NUP214: variants seen among roughly 807,000 people sequenced by gnomAD.
NUP214 encodes nuclear pore complex protein Nup214.
Under a neutral mutation model 196.2 loss-of-function variants are expected in NUP214, and 79 were observed. The ratio of observed to expected loss-of-function variants is 0.40; its 90% CI spans 0.34 to 0.49. The LOEUF (loss-of-function observed/expected upper bound fraction) is 0.49. Among genes scored for constraint, NUP214 ranks in the 20% least tolerant of loss-of-function variants. The pLI is 0.58. For synonymous variants in NUP214, 1,020 were observed against 990.5 expected, an observed-to-expected ratio of 1.03 and a Z score of -0.56; for missense variants, 2,468 against 2,539.0, an observed-to-expected ratio of 0.97 and a Z score of 0.60.
At chr9:131,141,158 T>G (rs1337270545) in intron 11 of NUP214, among the ~76,000 whole-genome samples, 1 of 150,704 alleles carries the variant, frequency 6.6e-6, no homozygotes, top group Non-Finnish European at 1.5e-5. Context: ...AAAACCACTA[T>G]TCTTTGTGAT....
intron 27 of NUP214, chr9:131,194,153 G>A (rs1230772302): frequency 6.7e-6 from 1 of 149,084 alleles, no homozygotes; most frequent in African/African-American, 2.5e-5. Context: ...TTTGAAATCT[G>A]CAATTTGAAC....
chr9:131,229,748 G>T (rs568303271), intron 33 of NUP214: 2 of 518,830 alleles, frequency 3.9e-6, no homozygotes, highest in Non-Finnish European at 7.7e-6. Context: ...GGAGCAGGCC[G>T]CTCCTGGGAG....
intron 27 of NUP214, among the ~76,000 whole-genome samples, chr9:131,193,644 T>TTTTTTTTTTTTTTTTTTG (rs1833685131): frequency 9.5e-6 from 1 of 105,280 alleles, no homozygotes; most frequent in Admixed American, 1.0e-4. Flanking sequence ...TTTTTTTTTT[T>TTTTTTTTTTTTTTTTTTG]TTTTTTTTTT....
intron 4 of NUP214, among the ~76,000 whole-genome samples, chr9:131,130,334 G>T (rs1831510375): frequency 6.7e-6 from 1 of 150,184 alleles, no homozygotes; most frequent in Non-Finnish European, 1.5e-5. Flanking sequence ...TAGTAGAGAC[G>T]GGGTTTCACC....
chr9:131,230,688 A>G lies in NUP214; in HGVS notation c.6133A>G (p.Thr2045Ala). The G allele has an allele frequency of 1.9e-6, 3 of 1,614,046 alleles. No homozygotes were observed. The highest frequency in any genetic ancestry group is 1.3e-5 in the African/African-American group (1 of 75,000). The change falls in exon 34 of 36, where the codon ACT (threonine) becomes GCT (alanine). Residue 2045 changes from threonine (T) to alanine (A), a missense_variant. Physicochemically the swap from Thr to Ala is moderately conservative, Grantham distance 58. This residue lies in a region of NUP214 where 262 missense variants were observed against 296.5 expected (regional missense o/e 0.88). Coordinates refer to ENST00000359428, the MANE Select transcript of NUP214 (RefSeq NM_005085.4). ...FGTLASQNAP[T>A]FGSLSQQTSG... is the part of the protein sequence containing the mutation. Reference sequence around the variant, plus strand: ...CACGCTCGCGAGTCAGAATGCCCCCACTTTCGGATCACTGTCCCAACAGAC... The same window carrying G: ...CACGCTCGCGAGTCAGAATGCCCCCGCTTTCGGATCACTGTCCCAACAGAC...
chr9:131,198,279 T>C lies in NUP214; in HGVS notation c.4785T>C (p.Ala1595=). The change falls in exon 29 of 36, where the codon GCT becomes GCC. Residue 1595 remains alanine, a synonymous_variant. Coordinates refer to ENST00000359428, the MANE Select transcript of NUP214 (RefSeq NM_005085.4). ...CCTTTTCTGTGCCTGGGCAGACTGC[T>C]GTCACAGCAGCTGCTATCTCAAGTG... The part of the protein sequence containing the change: ...ASSFSVPGQT[A]VTAAAISSAG... 6.2e-7 allele frequency: 1 copy of C among 1,614,206 alleles called. No individual in the cohort carries two copies. Among genetic ancestry groups the C allele is most frequent in the Non-Finnish European group, 8.5e-7 (1 of 1,180,034 alleles).
chr9:131,166,682 G>A lies in NUP214; in HGVS notation c.2893+2538G>A, dbSNP rs565315243. On this transcript the variant is annotated intron_variant, in intron 21 of 35. Coordinates refer to ENST00000359428, the MANE Select transcript of NUP214 (RefSeq NM_005085.4). ...AACAGAATATTGCCGTTTTTTAGAAGCCCTCTTGCATACCCCAGTTTTCCT... is the reference window on the plus strand; with the variant it reads ...AACAGAATATTGCCGTTTTTTAGAAACCCTCTTGCATACCCCAGTTTTCCT... Among the ~76,000 whole-genome samples the A allele has an allele frequency of 5.3e-5, 8 of 151,962 alleles. No homozygotes were observed. In the East Asian group the frequency reaches 1.4e-3, roughly 26 times the overall value.
rs376396457 is a variant in NUP214 at position 131,144,803 on chromosome 9, T to C, written c.1769+49T>C. On this transcript the variant is annotated intron_variant, in intron 12 of 35. Coordinates refer to ENST00000359428, the MANE Select transcript of NUP214 (RefSeq NM_005085.4). ...TCTTCTGTGAGTTGGGTAGAAATAT[T>C]GGATGTTATTTACTAAAAGTAGAGT... 40 of 1,348,844 alleles carry C rather than the reference T, an allele frequency of 3.0e-5. No individual in the cohort carries two copies. The East Asian group carries it at 3.9e-4, about 13-fold the overall frequency. The allele number at this position is 1,348,844 out of a possible 1,614,324, so 83.6% of individuals were successfully genotyped here. A position where few individuals can be genotyped will look rare whatever the true frequency, so the allele number is the denominator to read the frequency against.
chr9:131,133,184 C>T lies in NUP214; in HGVS notation c.806C>T (p.Pro269Leu). The T allele has an allele frequency of 4.4e-6, 7 of 1,589,528 alleles. No individual in the cohort carries two copies. The highest frequency in any genetic ancestry group is 6.0e-6 in the Non-Finnish European group (7 of 1,171,744). The change falls in exon 7 of 36, where the codon CCA (proline) becomes CTA (leucine). Residue 269 changes from proline (P) to leucine (L), a missense_variant. Transcript: ENST00000359428. ...AAADGTLETS[P>L]DVVMALLPKK... ...GCAGATGGGACCCTGGAAACGTCTC[C>T]AGATGTGGTGATGGCTCTACTACCG...
At chr9:131,221,068 G>A (rs1451963778) in intron 31 of NUP214, among the ~76,000 whole-genome samples, 4 of 152,198 alleles carry the variant, frequency 2.6e-5, no homozygotes, top group African/African-American at 9.7e-5. Context: ...CAAGTAAACG[G>A]AATGGCTGAG....
chr9:131,199,147 G>A, intron 29 of NUP214, 132 bp downstream of exon 29: 2 of 1,135,836 alleles, frequency 1.8e-6, no homozygotes, highest in Non-Finnish European at 2.4e-6. Flanking sequence ...AAAGAAGACA[G>A]CTTGGAGCAC....
At chr9:131,162,130 G>A (rs554555368) in intron 18 of NUP214, among the ~76,000 whole-genome samples, 6 of 152,224 alleles carry the variant, frequency 3.9e-5, no homozygotes, top group Non-Finnish European at 8.8e-5. Context: ...GTACAGCATG[G>A]TTTTGTACTG....
At chr9:131,220,778 G>A (rs1414451614) in intron 31 of NUP214, among the ~76,000 whole-genome samples, 1 of 152,224 alleles carries the variant, frequency 6.6e-6, no homozygotes, top group Admixed American at 6.5e-5. Context: ...ACCCGGGTCT[G>A]ACTGCAAACT....
chr9:131,180,385 G>C (rs1490036866), intron 24 of NUP214, among the ~76,000 whole-genome samples: 7 of 152,156 alleles, frequency 4.6e-5, no homozygotes, highest in African/African-American at 1.4e-4. Context: ...GAGAGAATAT[G>C]TTCATTGTAA....
chr9:131,216,161 A>G (rs1834387990), intron 31 of NUP214, among the ~76,000 whole-genome samples: 1 of 150,678 alleles, frequency 6.6e-6, no homozygotes, highest in South Asian at 2.1e-4. Flanking sequence ...AAGTGCTGGG[A>G]TTACAGGTAT....
At position 131,233,653 on chromosome 9, in the gene NUP214, A is replaced by G. The variant is rs771574412; in HGVS notation, c.*166A>G. On this transcript the variant is annotated 3_prime_UTR_variant, in exon 36 of 36. Transcript: ENST00000359428. ...CACAAGGCGCATGATTACTTGTTTT[A>G]TATTTCATGTTGGGTTTTCCCTCCC... The G allele has an allele frequency of 1.3e-6, 1 of 751,180 alleles. No homozygotes were observed. The highest frequency in any genetic ancestry group is 1.5e-5 in the South Asian group (1 of 67,916). 46.5% of individuals were successfully genotyped at this position (751,180 alleles called of 1,614,324 possible).
chr9:131,175,320 G>T, intron 22 of NUP214, 140 bp from the exon 23 acceptor site: 1 of 949,182 alleles, frequency 1.1e-6, no homozygotes, highest in Non-Finnish European at 1.6e-6. Context: ...ATGCCAGCCT[G>T]TTAGTTTACT....
intron 7 of NUP214, 54 bp from the exon 8 acceptor site, chr9:131,134,844 G>A (rs1327545985): frequency 9.4e-7 from 1 of 1,060,684 alleles, no homozygotes; most frequent in African/African-American, 1.6e-5. Context: ...TTTTGCTGTG[G>A]GATCTGAGAA....
chr9:131,132,281 G>A (rs1457175290), intron 5 of NUP214, among the ~76,000 whole-genome samples: 2 of 151,714 alleles, frequency 1.3e-5, no homozygotes, highest in Non-Finnish European at 2.9e-5. Context: ...ACCACACCCA[G>A]CTATGTATTT....
Sources: gnomAD v4.1 joint callset for allele counts (sites outside exome capture counted in the v4.1 genomes callset) on GRCh38, gnomAD v4.1.1 for gene constraint, gnomAD v4.1.1 regional missense constraint, MANE v1.5 for transcripts, NCBI Gene and HGNC (gene_info 2026-07-23, HGNC 2026-07-21) for gene names.